The following SULF1 variants were observed in gnomAD, a reference collection of about 807,000 sequenced individuals.
SULF1 encodes extracellular sulfatase Sulf-1.
A neutral mutation model predicts 110.5 loss-of-function variants in SULF1; 46 were observed. That is an observed-to-expected ratio of 0.42 (90% CI 0.33 to 0.53). The LOEUF is 0.53. Among genes scored for constraint, SULF1 ranks in the 20% least tolerant of loss-of-function variants. SULF1 has a pLI of 0.12. For missense variants in SULF1, 941 were observed against 1,094.2 expected (o/e 0.86, Z 1.98); for synonymous variants, 371 against 387.1 (o/e 0.96, Z 0.49).
chr8:69,502,018 C>T (rs1810832579), intron 3 of SULF1, 50 bp downstream of exon 3: 1 of 152,182 alleles, frequency 6.6e-6, no homozygotes, highest in Non-Finnish European at 1.5e-5. Context: ...CACCTGGGCA[C>T]TCTATGTCAC....
At chr8:69,475,816 A>G (rs1422095513) in intron 1 of SULF1, among the ~76,000 whole-genome samples, 1 of 152,198 alleles carries the variant, frequency 6.6e-6, no homozygotes, top group Non-Finnish European at 1.5e-5. Context: ...AAATAGATAC[A>G]ATCTAATGTT....
chr8:69,522,736 G>A (rs958002456), intron 3 of SULF1, among the ~76,000 whole-genome samples: 12 of 152,126 alleles, frequency 7.9e-5, no homozygotes, highest in South Asian at 2.1e-4. Flanking sequence ...CTTGGAAGCC[G>A]AATGAAGACA....
chr8:69,588,913 T>C (rs923366903), intron 7 of SULF1, 59 bp from the exon 8 acceptor site: 19 of 1,536,310 alleles, frequency 1.2e-5, no homozygotes, highest in Non-Finnish European at 1.5e-5. Flanking sequence ...GTTATTCAAA[T>C]GCGATCTGAT....
rs555170632 is a variant in SULF1 at position 69,558,199 on chromosome 8, A to G, written c.-133-5340A>G. 2.0e-4 allele frequency among the ~76,000 whole-genome samples: 30 copies of G among 152,350 alleles called. 1 individual carries two copies. In the South Asian group the frequency reaches 5.4e-3, roughly 27 times the overall value. On this transcript the variant is annotated intron_variant, in intron 3 of 22. Coordinates refer to ENST00000402687, the MANE Select transcript of SULF1 (RefSeq NM_001128205.2). ...GGAAAGGGCCATGTTAACTGATCCT[A>G]AGAAATGTATGTAGACAGCAATGTA...
chr8:69,528,553 G>A (rs528559086), intron 3 of SULF1, among the ~76,000 whole-genome samples: 1 of 152,260 alleles, frequency 6.6e-6, no homozygotes, highest in East Asian at 1.9e-4. Context: ...GGTAAACTCT[G>A]ACCAGAAAAC....
At chr8:69,532,874 T>C (rs566033312) in intron 3 of SULF1, among the ~76,000 whole-genome samples, 1 of 152,210 alleles carries the variant, frequency 6.6e-6, no homozygotes, top group Admixed American at 6.5e-5. Flanking sequence ...TTTTACTTTC[T>C]TTCCTATGAA....
Position 69,480,535 on chromosome 8 carries a change from G to A in SULF1, c.-391+13585G>A, listed in dbSNP as rs537027274. On this transcript the variant is annotated intron_variant, in intron 1 of 22. Coordinates refer to the SULF1 transcript ENST00000260128. ...TCCTCAAGTACTGGAACTTTCCCAA[G>A]AGAAGTATATGAGCAATATTCTTCA... is the stretch of plus-strand genomic sequence containing the variant. 8.5e-5 allele frequency among the ~76,000 whole-genome samples: 13 copies of A among 152,238 alleles called. No homozygotes were observed. In the South Asian group the frequency reaches 2.7e-3, roughly 32 times the overall value.
chr8:69,501,689 C>T (rs1056355798), intron 2 of SULF1, among the ~76,000 whole-genome samples, 185 bp from the exon 3 acceptor site: 2 of 152,204 alleles, frequency 1.3e-5, no homozygotes, highest in African/African-American at 4.8e-5. Flanking sequence ...ACAAAAGGAC[C>T]GAATCACCCA....
intron 1 of SULF1, among the ~76,000 whole-genome samples, chr8:69,487,609 A>G (rs150946841): frequency 2.0e-4 from 30 of 152,354 alleles, no homozygotes; most frequent in Middle Eastern, 3.4e-3. Context: ...TGAGCAACAG[A>G]TGTGGTTTAA....
At chr8:69,528,355 C>T (rs1295396010) in intron 3 of SULF1, among the ~76,000 whole-genome samples, 2 of 152,172 alleles carry the variant, frequency 1.3e-5, no homozygotes, top group Admixed American at 1.3e-4. Flanking sequence ...TAATAATTCT[C>T]CCACCACTAC....
chr8:69,619,860 T>G (rs1586566431), intron 13 of SULF1, among the ~76,000 whole-genome samples: 1 of 151,946 alleles, frequency 6.6e-6, no homozygotes, highest in African/African-American at 2.4e-5. Context: ...TAGGGGCGGG[T>G]GCCGACGGCC....
intron 5 of SULF1, among the ~76,000 whole-genome samples, chr8:69,565,741 G>A (rs1026552064): frequency 1.2e-4 from 19 of 152,114 alleles, no homozygotes; most frequent in Non-Finnish European, 2.5e-4. Context: ...TTTGCCATGA[G>A]ATTATGCCCT....
chr8:69,561,851 T>C (rs1386204223), intron 3 of SULF1, among the ~76,000 whole-genome samples: 1 of 152,230 alleles, frequency 6.6e-6, no homozygotes, highest in Non-Finnish European at 1.5e-5. Flanking sequence ...TTACTTTAGT[T>C]TTCCTGTCCC....
intron 3 of SULF1, among the ~76,000 whole-genome samples, chr8:69,515,215 G>C (rs113849046): frequency 2.0e-5 from 3 of 152,118 alleles, no homozygotes; most frequent in African/African-American, 7.2e-5. Flanking sequence ...GGACATCCAG[G>C]CATGTCCATT....
chr8:69,502,722 C>G (rs1301715590), intron 3 of SULF1, among the ~76,000 whole-genome samples: 2 of 127,232 alleles, frequency 1.6e-5, no homozygotes, highest in South Asian at 2.4e-4. Context: ...AAGTCTTGCT[C>G]TGTTACGCAG....
chr8:69,597,311 C>G (rs570691616), intron 8 of SULF1: 7 of 152,380 alleles, frequency 4.6e-5, no homozygotes, highest in Non-Finnish European at 8.8e-5. Flanking sequence ...CTTCCACCTG[C>G]AGGTCCCTGA....
At chr8:69,618,940 T>G (rs1809387474) in intron 13 of SULF1, among the ~76,000 whole-genome samples, 1 of 152,196 alleles carries the variant, frequency 6.6e-6, no homozygotes, top group South Asian at 2.1e-4. Context: ...ATCTGGGACC[T>G]TTGGCCAAAC....
chr8:69,512,698 G>A (rs915327145), intron 3 of SULF1, among the ~76,000 whole-genome samples: 1 of 151,996 alleles, frequency 6.6e-6, no homozygotes, highest in African/African-American at 2.4e-5. Flanking sequence ...CTTAGCACGA[G>A]TGTTCTTTCC....
intron 19 of SULF1, among the ~76,000 whole-genome samples, chr8:69,631,707 T>C (rs370039646): frequency 7.2e-5 from 11 of 152,238 alleles, no homozygotes; most frequent in African/African-American, 1.9e-4. Flanking sequence ...AAGCTCCCTC[T>C]CGCCATGGGG....
Sources: allele counts gnomAD v4.1 joint callset (sites outside exome capture counted in the v4.1 genomes callset), GRCh38; gene constraint gnomAD v4.1.1; transcripts MANE v1.5; gene names NCBI Gene and HGNC (gene_info 2026-07-23, HGNC 2026-07-21).